The following CAD variants were observed in gnomAD, a reference collection of about 807,000 sequenced individuals.
CAD encodes the protein carbamoyl-phosphate synthetase 2, aspartate transcarbamylase, and dihydroorotase.
CAD carries 81 observed loss-of-function variants against 237.2 expected under a neutral mutation model. The observed-to-expected ratio is 0.34, with a 90% CI of 0.29 to 0.41. The LOEUF (loss-of-function observed/expected upper bound fraction) is 0.41, where lower values mean the gene tolerates loss of function less well. Ranked by LOEUF, CAD falls within the 10% of genes least tolerant of loss-of-function variation. The probability of loss-of-function intolerance (pLI) is 1.00; values close to 1 mark genes in which losing one functional copy is unlikely to be tolerated. For missense variants in CAD, 2,181 were observed against 2,951.7 expected, an observed-to-expected ratio of 0.74 and a Z score of 6.05; for synonymous variants, 1,196 against 1,162.8, an observed-to-expected ratio of 1.03 and a Z score of -0.58.
Position 27,233,452 on chromosome 2 carries a change from G to T in CAD, c.3132G>T (p.Ser1044=), listed in dbSNP as rs756739907. 6.2e-7 allele frequency: 1 copy of T among 1,614,212 alleles called. No individual in the cohort carries two copies. The highest frequency in any genetic ancestry group is 8.5e-7 in the Non-Finnish European group (1 of 1,180,038). ...VLGTSPEAID[S]AENRFKFSRL... ...GCACCTCCCCTGAAGCCATTGACTC[G>T]GCTGAGAACCGTTTCAAGTTTTCCC... The change falls in exon 20 of 44, where the codon TCG becomes TCT. Residue 1044 remains serine (S), a synonymous_variant. Transcript: ENST00000264705. This position sits in a 1 kb window ranked among gnomAD's most constrained non-coding sequence, Gnocchi z 6.3.
Position 27,237,584 on chromosome 2 carries a change from T to A in CAD, c.4563+39T>A. The A allele has an allele frequency of 1.3e-6, 2 of 1,597,132 alleles. No homozygotes were observed. Among genetic ancestry groups the A allele is most frequent in the Non-Finnish European group, 1.7e-6 (2 of 1,169,138 alleles). Reference sequence around the variant, plus strand: ...CTCTTCCTGGTATTGGAGACCCATATGCCCCTACCAGCCACCCTTGCTTCC... The same window carrying A: ...CTCTTCCTGGTATTGGAGACCCATAAGCCCCTACCAGCCACCCTTGCTTCC... On this transcript the variant is annotated intron_variant, in intron 28 of 43. Coordinates refer to ENST00000264705, the MANE Select transcript of CAD (RefSeq NM_004341.5). This position sits in a 1 kb window ranked among gnomAD's most constrained non-coding sequence, Gnocchi z 4.0.
Position 27,232,825 on chromosome 2 carries a change from C to A in CAD, c.2892+131C>A. 1 of 1,120,758 alleles carries A rather than the reference C, an allele frequency of 8.9e-7. No individual in the cohort carries two copies. Among genetic ancestry groups the A allele is most frequent in the Non-Finnish European group, 1.3e-6 (1 of 763,680 alleles). The allele number at this position is 1,120,758 out of a possible 1,614,324, so 69.4% of individuals were successfully genotyped here. On this transcript the variant is annotated intron_variant, in intron 18 of 43. Transcript: ENST00000264705. The surrounding 1 kb of genome is among the most constrained non-coding windows in gnomAD (Gnocchi z 4.1). Reference sequence around the variant, plus strand: ...GGTCATAGAGCTTTGGGGTGGGGGTCCTTTTAGGCCATCTCTCATGCCCCA... The same window carrying A: ...GGTCATAGAGCTTTGGGGTGGGGGTACTTTTAGGCCATCTCTCATGCCCCA...
At position 27,243,510 on chromosome 2, in the gene CAD, C is replaced by A; in HGVS notation, c.6670C>A (p.Arg2224Ser). ...RMALLATVLG[R>S]F Reference sequence around the variant, plus strand: ...GGCTCTGTTAGCCACCGTGCTGGGCCGTTTCTAGGGCCTGGCTTCCTCAGC... The same window carrying A: ...GGCTCTGTTAGCCACCGTGCTGGGCAGTTTCTAGGGCCTGGCTTCCTCAGC... The change falls in exon 44 of 44, where the codon CGT becomes AGT. Residue 2224 changes from arginine to serine, a missense_variant. Arg to Ser is a moderately radical substitution (Grantham distance 110, BLOSUM62 -1). Around this residue, in one of 12 missense-constraint regions of CAD, gnomAD observed 170 missense variants for 212.1 expected, o/e 0.80. Transcript: ENST00000264705. 1.9e-6 allele frequency: 3 copies of A among 1,592,120 alleles called. No homozygotes were observed. Among genetic ancestry groups the A allele is most frequent in the Non-Finnish European group, 2.6e-6 (3 of 1,169,858 alleles).
At chr2:27,226,470 G>A (rs1675448193) in intron 13 of CAD, 55 bp from the exon 14 acceptor site, 2 of 1,595,336 alleles carry the variant, frequency 1.3e-6, no homozygotes, top group Non-Finnish European at 8.6e-7. Flanking sequence ...TCCTTTCTGA[G>A]ACCTCTCCTA....
chr2:27,235,979 A>G lies in CAD; in HGVS notation c.4075-305A>G. On this transcript the variant is annotated intron_variant, in intron 25 of 43. Coordinates refer to ENST00000264705, the MANE Select transcript of CAD (RefSeq NM_004341.5). The surrounding 1 kb of genome is among the most constrained non-coding windows in gnomAD (Gnocchi z 5.2). ...AGAAAGCAGAATACACAGGAAGCAA[A>G]GAGAAAAGTCTCTTAAAATCTCTGT... 2.0e-6 allele frequency: 1 copy of G among 497,334 alleles called. No individual in the cohort carries two copies. The allele number at this position is 497,334 out of a possible 1,614,324, so 30.8% of individuals were successfully genotyped here. A position where few individuals can be genotyped will look rare whatever the true frequency, so the allele number is the denominator to read the frequency against.
rs1159635090 is a variant in CAD, at chr2:27,241,151, A to AC, written c.5737dup (p.Gln1913ProfsTer59). 1.9e-6 allele frequency: 3 copies of AC among 1,611,728 alleles called. No homozygotes were observed. Among genetic ancestry groups the AC allele is most frequent in the African/African-American group, 1.3e-5 (1 of 74,440 alleles). ...AACCTGGGGACCCCTGGCTTGCTGC[A>AC]CCCCCAGACCTCACCCCTGCTGCAC... On this transcript the variant is annotated frameshift_variant, in exon 37 of 44. Coordinates refer to ENST00000264705, the MANE Select transcript of CAD (RefSeq NM_004341.5). LOFTEE classifies it high-confidence loss of function. This position sits in a 1 kb window ranked among gnomAD's most constrained non-coding sequence, Gnocchi z 4.6.
rs142878952 is a variant in CAD, at chr2:27,235,905, T to C, written c.4074+265T>C. On this transcript the variant is annotated intron_variant, in intron 25 of 43. Transcript: ENST00000264705. The surrounding 1 kb of genome is among the most constrained non-coding windows in gnomAD (Gnocchi z 5.2). The stretch of plus-strand genomic sequence containing the variant: ...AAAAAAAACAAAGAATTATCTCCTA[T>C]TCCCCTGCTTTTATTATTACCATTA... 429 of 479,134 alleles carry C rather than the reference T, an allele frequency of 9.0e-4. No individual in the cohort carries two copies. The highest frequency in any genetic ancestry group is 1.3e-3 in the Non-Finnish European group (352 of 269,454). The allele number at this position is 479,134 out of a possible 1,614,324, so 29.7% of individuals were successfully genotyped here.
intron 42 of CAD, 46 bp downstream of exon 42, chr2:27,243,019 C>A (rs936774836): frequency 1.3e-6 from 2 of 1,487,070 alleles, no homozygotes; most frequent in African/African-American, 1.4e-5. Context: ...TGCCGTAGGG[C>A]ATCAGATATG....
Position 27,234,691 on chromosome 2 carries a change from G to A in CAD, c.3786+6G>A. On this transcript the variant is annotated splice_donor_region_variant and intron_variant, in intron 23 of 43. Transcript: ENST00000264705. ...CTGGAGTCGTGGGAGTAAAGGTAAG[G>A]AATATCGAAACCCTTGGGGTTAGCA... 1.9e-6 allele frequency: 3 copies of A among 1,613,392 alleles called. No homozygotes were observed. Among genetic ancestry groups the A allele is most frequent in the Non-Finnish European group, 1.7e-6 (2 of 1,179,448 alleles).
At chr2:27,227,702 A>C (rs935057044) in intron 15 of CAD, among the ~76,000 whole-genome samples, 1 of 152,242 alleles carries the variant, frequency 6.6e-6, no homozygotes, top group African/African-American at 2.4e-5. Flanking sequence ...TAGGCCAATG[A>C]AAGATTGGTT....
Position 27,242,587 on chromosome 2 carries a change from G to A in CAD, c.6223-33G>A. On this transcript the variant is annotated intron_variant, in intron 40 of 43. Coordinates refer to ENST00000264705, the MANE Select transcript of CAD (RefSeq NM_004341.5). This position sits in a 1 kb window ranked among gnomAD's most constrained non-coding sequence, Gnocchi z 6.4. The stretch of plus-strand genomic sequence containing the variant: ...AATGATGTCGGGGGGCACTCAGTCT[G>A]GGATCCCTGTGGTGACTGGATTCCT... 2.5e-6 allele frequency: 4 copies of A among 1,573,026 alleles called. No homozygotes were observed. The highest frequency in any genetic ancestry group is 3.5e-6 in the Non-Finnish European group (4 of 1,155,516).
intron 2 of CAD, among the ~76,000 whole-genome samples, chr2:27,220,292 G>GC (rs1675091565): frequency 6.6e-6 from 1 of 152,186 alleles, no homozygotes. Flanking sequence ...GGAGGCACAA[G>GC]CTGTATTGGG....
Position 27,238,584 on chromosome 2 carries a change from G to A in CAD, c.5014G>A (p.Ala1672Thr), listed in dbSNP as rs369531964. The stretch of plus-strand genomic sequence containing the variant: ...GCTTGGCTCCCGCCAGGATGTGGAA[G>A]CCCTGTGGGAGAACATGGCTGTCAT... ...PELGSRQDVE[A>T]LWENMAVIDC... The change falls in exon 31 of 44, where the codon GCC (alanine) becomes ACC (threonine). Residue 1672 changes from alanine to threonine, a missense_variant. This residue lies in a region of CAD where 478 missense variants were observed against 515.0 expected (regional missense o/e 0.93). Coordinates refer to ENST00000264705, the MANE Select transcript of CAD (RefSeq NM_004341.5). 7 of 1,613,888 alleles carry A rather than the reference G, an allele frequency of 4.3e-6. No homozygotes were observed. In the African/African-American group the frequency reaches 8.0e-5, roughly 18 times the overall value.
rs752109639 is a variant in CAD, at chr2:27,238,209, T to C, written c.4860+22T>C. On this transcript the variant is annotated intron_variant, in intron 30 of 43. Coordinates refer to ENST00000264705, the MANE Select transcript of CAD (RefSeq NM_004341.5). ...GGAGGTAAGAGTACACCTGAGATCC[T>C]GCTGTCCCTGTTGCTTTCCCAGTAA... 9.9e-6 allele frequency: 16 copies of C among 1,612,226 alleles called. 1 individual carries two copies. In the South Asian group the frequency reaches 1.7e-4, roughly 17 times the overall value.
chr2:27,240,089 A>G lies in CAD; in HGVS notation c.5497-176A>G. 1.6e-6 allele frequency: 1 copy of G among 631,754 alleles called. No individual in the cohort carries two copies. The highest frequency in any genetic ancestry group is 1.9e-5 in the South Asian group (1 of 51,564). 39.1% of individuals were successfully genotyped at this position (631,754 alleles called of 1,614,324 possible). A position where few individuals can be genotyped will look rare whatever the true frequency, so the allele number is the denominator to read the frequency against. On this transcript the variant is annotated intron_variant, in intron 34 of 43. Transcript: ENST00000264705. The surrounding 1 kb of genome is among the most constrained non-coding windows in gnomAD (Gnocchi z 4.6). ...AACCCCATCTCTACTAAAAATAAAA[A>G]AATTAGCCAGGCGTGGTGGTGCACA...
chr2:27,225,923 C>T lies in CAD; in HGVS notation c.1839C>T (p.Val613=). Residue 613 remains valine (V), a synonymous_variant, in exon 12 of 44, where the codon GTC becomes GTT. Transcript: ENST00000264705. ...EVVRDAYGNC[V]TVCNMENLDP... Reference sequence around the variant, plus strand: ...TGAGAGACGCCTATGGCAACTGTGTCACGGTGAGTGAATGGGGGAAGGGTG... The same window carrying T: ...TGAGAGACGCCTATGGCAACTGTGTTACGGTGAGTGAATGGGGGAAGGGTG... 1 of 1,613,434 alleles carries T rather than the reference C, an allele frequency of 6.2e-7. No individual in the cohort carries two copies. The highest frequency in any genetic ancestry group is 1.1e-5 in the South Asian group (1 of 91,058).
chr2:27,217,814 C>T (rs1674943550), intron 1 of CAD, 63 bp from the exon 2 acceptor site: 12 of 1,527,226 alleles, frequency 7.9e-6, no homozygotes, highest in East Asian at 2.3e-5. Flanking sequence ...GGGGCGTGCT[C>T]ATCGCGCGGG....
In CAD at chr2:27,224,329, T is replaced by G. The variant is rs368695129; in HGVS notation, c.1109-16T>G. 1,006 of 1,614,008 alleles carry G rather than the reference T, an allele frequency of 6.2e-4. 4 individuals are homozygous for G. Among genetic ancestry groups the G allele is most frequent in the Non-Finnish European group, 7.6e-4 (902 of 1,179,978 alleles). On this transcript the variant is annotated splice_polypyrimidine_tract_variant and intron_variant, in intron 8 of 43. Coordinates refer to ENST00000264705, the MANE Select transcript of CAD (RefSeq NM_004341.5). ...AGCTCAGCTCTAACATTCTACGACC[T>G]TCTTTGCTTCCACAGTTAGAGAGCG...
At chr2:27,218,057 C>A in intron 2 of CAD, 41 bp downstream of exon 2, 1 of 1,537,328 alleles carries the variant, frequency 6.5e-7, no homozygotes. Context: ...CTTTTCAAGT[C>A]AGTAATTGTT....
Sources: allele counts gnomAD v4.1 joint callset (sites outside exome capture counted in the v4.1 genomes callset), GRCh38; gene constraint gnomAD v4.1.1; regional missense constraint gnomAD v4.1.1; non-coding constraint Gnocchi (gnomAD v3.1); transcripts MANE v1.5; gene names NCBI Gene and HGNC (gene_info 2026-07-23, HGNC 2026-07-21).